The following HSPA12B variants were observed in gnomAD, a reference collection of about 807,000 sequenced individuals.
The protein encoded by HSPA12B is heat shock protein family A (Hsp70) member 12B, also known as heat shock 70 kDa protein 12B.
Under a neutral mutation model 69.3 loss-of-function variants are expected in HSPA12B, and 54 were observed. The observed-to-expected ratio is 0.78, with a 90% CI of 0.63 to 0.98. The LOEUF is 0.98. Among genes scored for constraint, HSPA12B ranks in the 50% least tolerant of loss-of-function variants. HSPA12B has a pLI of 0.00. For missense variants in HSPA12B, 929 were observed against 999.8 expected (o/e 0.93, Z 0.96); for synonymous variants, 441 against 436.5 (o/e 1.01, Z -0.13).
chr20:3,738,752 C>G, intron 2 of HSPA12B, 35 bp downstream of exon 2: 4 of 1,613,030 alleles, frequency 2.5e-6, no homozygotes, highest in Non-Finnish European at 3.4e-6. Flanking sequence ...TGACCCATCA[C>G]CCACTCACCC....
intron 7 of HSPA12B, among the ~76,000 whole-genome samples, chr20:3,746,524 A>G (rs527786128): frequency 4.0e-4 from 60 of 151,816 alleles, no homozygotes; most frequent in East Asian, 1.2e-3. Context: ...GGATGGTTTC[A>G]ATCTCCTGAC....
Position 3,749,756 on chromosome 20 carries a change from G to A in HSPA12B, c.944G>A (p.Arg315His), listed in dbSNP as rs1331899459. 5 of 1,593,484 alleles carry A rather than the reference G, an allele frequency of 3.1e-6. No homozygotes were observed. The highest frequency in any genetic ancestry group is 2.6e-6 in the Non-Finnish European group (3 of 1,174,008). Residue 315 changes from arginine (R) to histidine (H), a missense_variant, in exon 10 of 13, where the codon CGC becomes CAC. Physicochemically the swap from Arg to His is conservative, Grantham distance 29 (BLOSUM62 0). Transcript: ENST00000254963. This position sits in a 1 kb window ranked among gnomAD's most constrained non-coding sequence, Gnocchi z 5.5. ...CCCGCGCTCGCCGCCGCAGGAGACC[G>A]CTACGTGGTGGCCGACTGCGGCGGA... ...ELWAEMQAGD[R>H]YVVADCGGGT...
At chr20:3,746,181 C>T (rs2146578234) in intron 7 of HSPA12B, 150 bp downstream of exon 7, 1 of 629,226 alleles carries the variant, frequency 1.6e-6, no homozygotes, top group Non-Finnish European at 2.8e-6. Flanking sequence ...GAGTTGCTCC[C>T]ACCAGAAGAG....
chr20:3,747,474 G>A (rs2088326994), intron 7 of HSPA12B, among the ~76,000 whole-genome samples: 1 of 152,148 alleles, frequency 6.6e-6, no homozygotes, highest in Non-Finnish European at 1.5e-5. Context: ...TTCCCTGGCT[G>A]CTCAGGAAAG....
intron 4 of HSPA12B, among the ~76,000 whole-genome samples, 179 bp downstream of exon 4, chr20:3,742,587 C>G (rs547561672): frequency 2.0e-5 from 3 of 152,124 alleles, no homozygotes; most frequent in Non-Finnish European, 4.4e-5. Context: ...TCCTTGGCCT[C>G]AACTGGAGCA....
rs761030089 is a variant in HSPA12B at position 3,752,181 on chromosome 20, G to A, written c.*15G>A. 1.6e-5 allele frequency: 23 copies of A among 1,456,284 alleles called. No homozygotes were observed. The highest frequency in any genetic ancestry group is 1.8e-5 in the Non-Finnish European group (20 of 1,112,344). The allele number at this position is 1,456,284 out of a possible 1,614,324, so 90.2% of individuals were successfully genotyped here. A position where few individuals can be genotyped will look rare whatever the true frequency, so the allele number is the denominator to read the frequency against. On this transcript the variant is annotated 3_prime_UTR_variant, in exon 13 of 13. Coordinates refer to ENST00000254963, the MANE Select transcript of HSPA12B (RefSeq NM_052970.5). ...TTTCCAACTGAGGGCGCGCCGGCGC[G>A]GTGCCAGCGCCGTCTGCCCGGCCCC... is the stretch of plus-strand genomic sequence containing the variant.
At chr20:3,736,550 A>G (rs943569938) in intron 1 of HSPA12B, among the ~76,000 whole-genome samples, 1 of 152,190 alleles carries the variant, frequency 6.6e-6, no homozygotes, top group African/African-American at 2.4e-5. Flanking sequence ...CAAAACTTTC[A>G]GATTGGGCCG....
rs200283012 is a variant in HSPA12B, at chr20:3,752,017, G to A, written c.1912G>A (p.Asp638Asn). The change falls in exon 13 of 13, where the codon GAC becomes AAC. Residue 638 changes from aspartate to asparagine, a missense_variant. This residue lies in a region of HSPA12B where 448 missense variants were observed against 448.1 expected (regional missense o/e 1.00). Coordinates refer to ENST00000254963, the MANE Select transcript of HSPA12B (RefSeq NM_052970.5). ...GCTCAGCCTCGAGCTTGAGCCCGCC[G>A]ACTGCGGCCAGGACACCGCCGGCGC... ...GALSLELEPA[D>N]CGQDTAGAPP... 7 of 1,565,640 alleles carry A rather than the reference G, an allele frequency of 4.5e-6. No homozygotes were observed. Among genetic ancestry groups the A allele is most frequent in the South Asian group, 1.1e-5 (1 of 87,686 alleles).
At chr20:3,736,252 C>G (rs1308191276) in intron 1 of HSPA12B, among the ~76,000 whole-genome samples, 1 of 152,222 alleles carries the variant, frequency 6.6e-6, no homozygotes, top group Non-Finnish European at 1.5e-5. Context: ...TGTGCTTTCC[C>G]TTTTCTCCTC....
intron 1 of HSPA12B, among the ~76,000 whole-genome samples, chr20:3,736,853 A>G (rs1315116067): frequency 6.6e-6 from 1 of 151,844 alleles, no homozygotes; most frequent in Non-Finnish European, 1.5e-5. Flanking sequence ...TGAAACCCCG[A>G]CTCTACTAAA....
chr20:3,735,244 C>T (rs1030516907), intron 1 of HSPA12B, among the ~76,000 whole-genome samples: 2 of 152,226 alleles, frequency 1.3e-5, no homozygotes, highest in Non-Finnish European at 2.9e-5. Context: ...CTCTGTGTCA[C>T]CCATTCTACA....
chr20:3,742,801 G>A (rs2088226750), intron 4 of HSPA12B, among the ~76,000 whole-genome samples: 1 of 151,104 alleles, frequency 6.6e-6, no homozygotes, highest in South Asian at 2.1e-4. Context: ...GGGTTCAAGC[G>A]ATTCTCCTGC....
At chr20:3,735,059 T>C (rs1481170686) in intron 1 of HSPA12B, among the ~76,000 whole-genome samples, 1 of 152,134 alleles carries the variant, frequency 6.6e-6, no homozygotes, top group African/African-American at 2.4e-5. Context: ...TTGATTTAGT[T>C]CCTACCTCCT....
intron 8 of HSPA12B, among the ~76,000 whole-genome samples, chr20:3,748,906 C>A (rs2146586050): frequency 6.6e-6 from 1 of 152,304 alleles, no homozygotes; most frequent in South Asian, 2.1e-4. Context: ...CAGGGAGAAG[C>A]CCTAAGTCCT....
Position 3,749,440 on chromosome 20 carries a change from C to A in HSPA12B, c.937+122C>A, listed in dbSNP as rs2146587535. On this transcript the variant is annotated intron_variant, in intron 9 of 12. Coordinates refer to ENST00000254963, the MANE Select transcript of HSPA12B (RefSeq NM_052970.5). This position sits in a 1 kb window ranked among gnomAD's most constrained non-coding sequence, Gnocchi z 5.5. ...CCTCCATTCGCTGTACCCAACCTGG[C>A]CGTCCCCTCACAGTCACCCGCACCC... 2 of 927,600 alleles carry A rather than the reference C, an allele frequency of 2.2e-6. No individual in the cohort carries two copies. Among genetic ancestry groups the A allele is most frequent in the East Asian group, 2.7e-5 (1 of 37,604 alleles). The allele number at this position is 927,600 out of a possible 1,614,324, so 57.5% of individuals were successfully genotyped here. A position where few individuals can be genotyped will look rare whatever the true frequency, so the allele number is the denominator to read the frequency against.
chr20:3,741,751 A>G (rs1233679933), intron 3 of HSPA12B, among the ~76,000 whole-genome samples: 1 of 152,056 alleles, frequency 6.6e-6, no homozygotes, highest in Admixed American at 6.5e-5. Context: ...GGACCCCCTT[A>G]TTCTTAGGGG....
In HSPA12B at chr20:3,749,183, C is replaced by G. The variant is rs1357770236; in HGVS notation, c.851-49C>G. ...GGAGGATGGGAGTTGAACGCCATAG[C>G]TGGAGCACCTCCTTCTAATCTCACT... On this transcript the variant is annotated intron_variant, in intron 8 of 12. Transcript: ENST00000254963. This position sits in a 1 kb window ranked among gnomAD's most constrained non-coding sequence, Gnocchi z 5.5. The G allele has an allele frequency of 7.2e-6, 11 of 1,537,116 alleles. No homozygotes were observed. Among genetic ancestry groups the G allele is most frequent in the Non-Finnish European group, 8.0e-6 (9 of 1,119,706 alleles).
In HSPA12B at chr20:3,738,644, G is replaced by C. The variant is rs6116009; in HGVS notation, c.-17-14G>C. On this transcript the variant is annotated splice_polypyrimidine_tract_variant and intron_variant, in intron 1 of 12. Coordinates refer to ENST00000254963, the MANE Select transcript of HSPA12B (RefSeq NM_052970.5). ...CAAATAAATCCCACTCTGCTTGTCT[G>C]TTCCTGTTGACAGCTACAGGGCCTG... 3,964 of 1,613,118 alleles carry C rather than the reference G, an allele frequency of 2.5e-3. 85 individuals carry two copies. In the African/African-American group the frequency reaches 0.047, roughly 19 times the overall value.
Position 3,749,405 on chromosome 20 carries a change from G to T in HSPA12B, c.937+87G>T. 1.6e-6 allele frequency: 2 copies of T among 1,220,616 alleles called. No individual in the cohort carries two copies. 75.6% of individuals were successfully genotyped at this position (1,220,616 alleles called of 1,614,324 possible). A position where few individuals can be genotyped will look rare whatever the true frequency, so the allele number is the denominator to read the frequency against. ...GGGGAAGGGCATGTTTGCAAAGCCC[G>T]TCTCTTCCTCCTCCATTCGCTGTAC... On this transcript the variant is annotated intron_variant, in intron 9 of 12. Coordinates refer to ENST00000254963, the MANE Select transcript of HSPA12B (RefSeq NM_052970.5). The surrounding 1 kb of genome is among the most constrained non-coding windows in gnomAD (Gnocchi z 5.5).
Sources: gnomAD v4.1 joint callset for allele counts (sites outside exome capture counted in the v4.1 genomes callset) on GRCh38, gnomAD v4.1.1 for gene constraint, gnomAD v4.1.1 regional missense constraint, Gnocchi (gnomAD v3.1) non-coding constraint, MANE v1.5 for transcripts, NCBI Gene and HGNC (gene_info 2026-07-23, HGNC 2026-07-21) for gene names.